UNC13C: variants seen among roughly 807,000 people sequenced by gnomAD.
The protein encoded by UNC13C is protein unc-13 homolog C.
Under a neutral mutation model 245.4 loss-of-function variants are expected in UNC13C, and 174 were observed. The observed-to-expected ratio is 0.71, with a 90% CI of 0.63 to 0.80. The LOEUF (loss-of-function observed/expected upper bound fraction) is 0.80. Among genes scored for constraint, UNC13C ranks in the 30% least tolerant of loss-of-function variants. The pLI is 0.00. For synonymous variants in UNC13C, 992 were observed against 895.1 expected (o/e 1.11, Z -1.93); for missense variants, 2,829 against 2,602.9 (o/e 1.09, Z -1.89).
At chr15:54,491,432 GA>G (rs1313462471) in intron 19 of UNC13C, among the ~76,000 whole-genome samples, 8 of 152,016 alleles carry the variant, frequency 5.3e-5, no homozygotes, top group African/African-American at 1.9e-4. Flanking sequence ...CTAAAAGCTG[GA>G]AAAATGCAAA....
chr15:54,199,583 G>A (rs552030393), intron 4 of UNC13C, among the ~76,000 whole-genome samples: 1 of 152,168 alleles, frequency 6.6e-6, no homozygotes, highest in Admixed American at 6.5e-5. Flanking sequence ...TGTGTATTCA[G>A]CAAAGCTAGG....
intron 2 of UNC13C, among the ~76,000 whole-genome samples, chr15:54,042,166 A>G (rs900966408): frequency 6.6e-6 from 1 of 152,198 alleles, no homozygotes; most frequent in Admixed American, 6.5e-5. Context: ...CAAGATAAGG[A>G]ATACTCAACC....
chr15:54,132,080 T>TTTTCTTTTTC (rs2031464484), intron 2 of UNC13C, among the ~76,000 whole-genome samples: 1 of 145,558 alleles, frequency 6.9e-6, no homozygotes, highest in Non-Finnish European at 1.5e-5. Flanking sequence ...TTTTCTTTTT[T>TTTTCTTTTTC]TTTTTTGACA....
intron 30 of UNC13C, among the ~76,000 whole-genome samples, chr15:54,585,326 G>C (rs1004324307): frequency 2.0e-5 from 3 of 151,980 alleles, no homozygotes; most frequent in African/African-American, 7.3e-5. Flanking sequence ...TACTGCCCCC[G>C]TGTCTCTCTT....
intron 30 of UNC13C, among the ~76,000 whole-genome samples, chr15:54,586,991 T>G (rs891431152): frequency 1.3e-5 from 2 of 152,212 alleles, no homozygotes; most frequent in Non-Finnish European, 2.9e-5. Flanking sequence ...CACATTCATT[T>G]ATTCATATAC....
the UNC13C span, among the ~76,000 whole-genome samples, chr15:53,844,824 C>A: frequency 2.0e-5 from 3 of 152,166 alleles, no homozygotes; most frequent in Admixed American, 6.5e-5. Context: ...GGACTAGTGA[C>A]ATCATCCTAG....
chr15:54,045,496 C>T (rs1478351035), intron 2 of UNC13C, among the ~76,000 whole-genome samples: 1 of 151,948 alleles, frequency 6.6e-6, no homozygotes, highest in East Asian at 1.9e-4. Context: ...TTTCAGAGCA[C>T]CTGTTCTTAA....
At chr15:53,939,883 G>C in the UNC13C span, among the ~76,000 whole-genome samples, 1 of 152,104 alleles carries the variant, frequency 6.6e-6, no homozygotes, top group Non-Finnish European at 1.5e-5. Context: ...TTCCATTACA[G>C]ACAGAGGAGA....
At chr15:54,034,775 C>T (rs1293524097) in intron 2 of UNC13C, among the ~76,000 whole-genome samples, 1 of 152,168 alleles carries the variant, frequency 6.6e-6, no homozygotes, top group East Asian at 1.9e-4. Flanking sequence ...ATCTTTACTC[C>T]TTAGAAGCTG....
chr15:53,958,993 T>C, the UNC13C span, among the ~76,000 whole-genome samples: 1 of 152,172 alleles, frequency 6.6e-6, no homozygotes, highest in Admixed American at 6.6e-5. Flanking sequence ...TTCTTCCTTC[T>C]ACCTCCATGA....
Position 54,622,424 on chromosome 15 carries a change from A to G in UNC13C, c.6199+5A>G, listed in dbSNP as rs376805921. 1.9e-5 allele frequency: 30 copies of G among 1,606,108 alleles called. No homozygotes were observed. The African/African-American group carries it at 3.3e-4, about 18-fold the overall frequency. ...ATCATAAAGTCACTGTAAAAGGTAT[A>G]CTTCTGGTCTAGATAAATCAAAACA... On this transcript the variant is annotated splice_donor_5th_base_variant and intron_variant, in intron 31 of 32. Transcript: ENST00000260323.
intron 2 of UNC13C, among the ~76,000 whole-genome samples, chr15:54,056,016 A>C (rs1229253833): frequency 6.6e-6 from 1 of 152,110 alleles, no homozygotes; most frequent in Non-Finnish European, 1.5e-5. Flanking sequence ...AGAGCATGTA[A>C]GTCCCAATTG....
At chr15:54,250,880 C>G (rs2036134637) in intron 8 of UNC13C, among the ~76,000 whole-genome samples, 1 of 151,142 alleles carries the variant, frequency 6.6e-6, no homozygotes, top group Admixed American at 6.6e-5. Flanking sequence ...CCTCAGCCTC[C>G]CAAGTAGCTG....
chr15:54,512,192 G>T (rs1270168595), intron 24 of UNC13C, among the ~76,000 whole-genome samples: 1 of 152,072 alleles, frequency 6.6e-6, no homozygotes, highest in Non-Finnish European at 1.5e-5. Context: ...TGATATCAAT[G>T]TTTATTCTGC....
intron 17 of UNC13C, among the ~76,000 whole-genome samples, chr15:54,350,284 C>T (rs1406884213): frequency 6.6e-6 from 1 of 152,178 alleles, no homozygotes; most frequent in Non-Finnish European, 1.5e-5. Flanking sequence ...GACCCCACGC[C>T]TGGCCTATTT....
chr15:53,915,292 G>A, the UNC13C span, among the ~76,000 whole-genome samples: 1 of 152,176 alleles, frequency 6.6e-6, no homozygotes, highest in Admixed American at 6.5e-5. Context: ...ACTTGTATAG[G>A]TCAGCTTCCA....
At chr15:54,043,363 C>T (rs1896895520) in intron 2 of UNC13C, among the ~76,000 whole-genome samples, 2 of 152,182 alleles carry the variant, frequency 1.3e-5, no homozygotes, top group South Asian at 2.1e-4. Context: ...TCATGTATGC[C>T]TTGCTAATTA....
the UNC13C span, among the ~76,000 whole-genome samples, chr15:53,859,281 T>C: frequency 2.7e-5 from 4 of 147,050 alleles, no homozygotes; most frequent in Non-Finnish European, 6.1e-5. Context: ...GAATTGATTC[T>C]TTTCAAACTT....
chr15:54,554,104 C>T (rs1291371186), intron 28 of UNC13C, among the ~76,000 whole-genome samples: 1 of 151,922 alleles, frequency 6.6e-6, no homozygotes, highest in African/African-American at 2.4e-5. Flanking sequence ...GACAATGATT[C>T]TATTGGAGCA....
Sources: allele counts gnomAD v4.1 joint callset (sites outside exome capture counted in the v4.1 genomes callset), GRCh38; gene constraint gnomAD v4.1.1; transcripts MANE v1.5; gene names NCBI Gene and HGNC (gene_info 2026-07-23, HGNC 2026-07-21).